Variants in AHI1 observed in about 807,000 individuals in gnomAD.
The protein encoded by AHI1 is Abelson helper integration site 1.
Under a neutral mutation model 149.3 loss-of-function variants are expected in AHI1, and 123 were observed. The ratio of observed to expected loss-of-function variants is 0.82; its 90% CI spans 0.71 to 0.96. The LOEUF (loss-of-function observed/expected upper bound fraction) is 0.96, where lower values mean the gene tolerates loss of function less well. Ranked by LOEUF, AHI1 falls within the 40% of genes least tolerant of loss-of-function variation. AHI1 has a pLI of 0.00. For synonymous variants in AHI1, 475 were observed against 459.8 expected, an observed-to-expected ratio of 1.03 and a Z score of -0.42; for missense variants, 1,439 against 1,422.7, an observed-to-expected ratio of 1.01 and a Z score of -0.18.
chr6:135,475,915 A>G (rs1254278170), intron 5 of AHI1, among the ~76,000 whole-genome samples: 2 of 152,124 alleles, frequency 1.3e-5, no homozygotes, highest in African/African-American at 4.8e-5. Flanking sequence ...ATGATAACCA[A>G]TTTTATTACT....
chr6:135,464,398 T>C (rs1286141015), intron 7 of AHI1, among the ~76,000 whole-genome samples: 5 of 152,270 alleles, frequency 3.3e-5, no homozygotes, highest in Middle Eastern at 6.8e-3. Context: ...GTGGTAGCTA[T>C]GAGAAGGAAG....
intron 5 of AHI1, among the ~76,000 whole-genome samples, chr6:135,480,576 A>G (rs1401605257): frequency 6.6e-6 from 1 of 152,204 alleles, no homozygotes; most frequent in Non-Finnish European, 1.5e-5. Flanking sequence ...TCACGTTAAA[A>G]TTTAGTCCTT....
intron 26 of AHI1, chr6:135,300,874 G>A (rs1323170598): frequency 1.9e-6 from 2 of 1,036,982 alleles, no homozygotes; most frequent in African/African-American, 3.4e-5. Context: ...CCAATACAAT[G>A]TGGTATATTA....
chr6:135,367,936 T>C (rs1774429039), intron 23 of AHI1, among the ~76,000 whole-genome samples: 1 of 152,206 alleles, frequency 6.6e-6, no homozygotes. Flanking sequence ...TGTTTTGTCA[T>C]ATTACCAGAA....
chr6:135,428,681 A>G lies in AHI1; in HGVS notation c.2571T>C (p.Phe857=). 1 of 1,609,370 alleles carries G rather than the reference A, an allele frequency of 6.2e-7. No homozygotes were observed. The highest frequency in any genetic ancestry group is 8.5e-7 in the Non-Finnish European group (1 of 1,177,222). ...IHSTLTPCGT[F]LFAGSEDGIV... is the part of the protein sequence containing the mutation. ...TACCATCCTCACTTCCAGCAAACAGAAAAGTCCCACATGGAGTCAAAGTAC... is the reference window on the plus strand; with the variant it reads ...TACCATCCTCACTTCCAGCAAACAGGAAAGTCCCACATGGAGTCAAAGTAC... The change falls in exon 19 of 29, where the codon TTT becomes TTC. Residue 857 remains phenylalanine (F), a synonymous_variant. Coordinates refer to ENST00000265602, the MANE Select transcript of AHI1 (RefSeq NM_001134831.2).
chr6:135,417,722 T>C (rs540733114), intron 20 of AHI1, among the ~76,000 whole-genome samples: 1 of 152,018 alleles, frequency 6.6e-6, no homozygotes, highest in East Asian at 1.9e-4. Flanking sequence ...CCCTATTTTA[T>C]CTTTAACACC....
intron 5 of AHI1, among the ~76,000 whole-genome samples, chr6:135,484,299 ATGT>A (rs1794158123): frequency 6.6e-6 from 1 of 152,140 alleles, no homozygotes; most frequent in South Asian, 2.1e-4. Flanking sequence ...ACCATGTCAC[ATGT>A]TGTACTGTTA....
At chr6:135,300,627 T>C in intron 26 of AHI1, 69 bp from the exon 27 acceptor site, 1 of 1,549,228 alleles carries the variant, frequency 6.5e-7, no homozygotes, top group Non-Finnish European at 8.7e-7. Context: ...AATATTCACA[T>C]GCTGAAAACC....
At chr6:135,396,169 A>G (rs1251367526) in intron 22 of AHI1, among the ~76,000 whole-genome samples, 2 of 151,838 alleles carry the variant, frequency 1.3e-5, no homozygotes, top group Non-Finnish European at 3.0e-5. Context: ...AATAAAAAAT[A>G]AAAGTATTTT....
At chr6:135,330,313 AC>A (rs1287684041) in intron 24 of AHI1, among the ~76,000 whole-genome samples, 4 of 152,100 alleles carry the variant, frequency 2.6e-5, no homozygotes, top group Non-Finnish European at 1.5e-5. Context: ...AGTCACCACA[AC>A]CTTCAGCAAC....
In AHI1 at chr6:135,447,061, G is replaced by T. The variant is rs774706065; in HGVS notation, c.1726C>A (p.Pro576Thr). The change falls in exon 13 of 29, where the codon CCT (proline) becomes ACT (threonine). Residue 576 changes from proline (P) to threonine (T), a missense_variant. Transcript: ENST00000265602. The stretch of plus-strand genomic sequence containing the variant: ...ACTTCCTTTGACTCTTCTAATCCAG[G>T]TTCTGTGTCTACTGAGCTTGACTCA... ...HHESSSVDTE[P>T]GLEESKEVIK... is the part of the protein sequence containing the mutation. The T allele has an allele frequency of 3.7e-6, 6 of 1,613,228 alleles. No individual in the cohort carries two copies. The Middle Eastern group carries it at 5.0e-4, about 133-fold the overall frequency.
chr6:135,361,875 C>T (rs1407206888), intron 23 of AHI1, among the ~76,000 whole-genome samples: 1 of 151,706 alleles, frequency 6.6e-6, no homozygotes, highest in Admixed American at 6.6e-5. Flanking sequence ...CTTTGAGGAA[C>T]AAGTGGTGTT....
At chr6:135,420,205 C>T (rs1782953333) in intron 20 of AHI1, among the ~76,000 whole-genome samples, 1 of 152,112 alleles carries the variant, frequency 6.6e-6, no homozygotes, top group Admixed American at 6.6e-5. Flanking sequence ...CATATTTTGA[C>T]TTCCTCTTAT....
At chr6:135,333,624 A>G (rs908793349) in intron 24 of AHI1, among the ~76,000 whole-genome samples, 2 of 152,238 alleles carry the variant, frequency 1.3e-5, no homozygotes, top group African/African-American at 4.8e-5. Flanking sequence ...TAATGCAACG[A>G]TAAGTGAAAC....
intron 23 of AHI1, among the ~76,000 whole-genome samples, chr6:135,361,645 TCACACACACACA>T (rs57786531): frequency 0.027 from 3,590 of 133,880 alleles, 158 homozygotes; most frequent in African/African-American, 0.087. Context: ...AGGTATGGTT[TCACACACACACA>T]CACACACACA....
chr6:135,301,228 T>C (rs968336716), intron 26 of AHI1: 2 of 984,500 alleles, frequency 2.0e-6, no homozygotes, highest in African/African-American at 3.5e-5. Context: ...AATTGCAATT[T>C]TTTTTAGAGA....
At chr6:135,496,659 G>A (rs1796002736) in intron 2 of AHI1, among the ~76,000 whole-genome samples, 1 of 152,100 alleles carries the variant, frequency 6.6e-6, no homozygotes, top group African/African-American at 2.4e-5. Context: ...CTGATTATCA[G>A]CCAATATGTG....
At chr6:135,439,856 AAG>A (rs1786008221) in intron 14 of AHI1, among the ~76,000 whole-genome samples, 1 of 152,156 alleles carries the variant, frequency 6.6e-6, no homozygotes, top group Non-Finnish European at 1.5e-5. Flanking sequence ...CCTATGGAAA[AAG>A]AGGGACTACT....
At chr6:135,432,079 AACT>A (rs1199980065) in intron 16 of AHI1, among the ~76,000 whole-genome samples, 3 of 150,698 alleles carry the variant, frequency 2.0e-5, no homozygotes, top group African/African-American at 7.3e-5. Flanking sequence ...TTATAATCTC[AACT>A]ACTGCTATTA....
Sources: gnomAD v4.1 joint callset for allele counts (sites outside exome capture counted in the v4.1 genomes callset) on GRCh38, gnomAD v4.1.1 for gene constraint, MANE v1.5 for transcripts, NCBI Gene and HGNC (gene_info 2026-07-23, HGNC 2026-07-21) for gene names.